Variants in VMP1 observed in about 807,000 individuals in gnomAD.
VMP1 encodes the protein ectopic P-granules autophagy protein 3 homolog.
In VMP1, 11 loss-of-function variants were observed where a neutral mutation model predicts 56.0. The observed-to-expected ratio is 0.20, with a 90% CI of 0.12 to 0.32. The LOEUF is 0.32. VMP1 is among the 10% of genes least tolerant of loss of function. VMP1 has a pLI of 1.00. For missense variants in VMP1, 296 were observed against 490.3 expected, an observed-to-expected ratio of 0.60 and a Z score of 3.74; for synonymous variants, 149 against 165.0, an observed-to-expected ratio of 0.90 and a Z score of 0.74.
intron 5 of VMP1, among the ~76,000 whole-genome samples, chr17:59,747,231 T>C (rs778808267): frequency 2.6e-5 from 4 of 152,146 alleles, no homozygotes; most frequent in Non-Finnish European, 4.4e-5. Context: ...CATTTCTTAA[T>C]AGTTTCTCGC....
At chr17:59,773,373 G>A (rs1348087779) in intron 6 of VMP1, among the ~76,000 whole-genome samples, 3 of 151,452 alleles carry the variant, frequency 2.0e-5, no homozygotes, top group African/African-American at 7.3e-5. Flanking sequence ...TTTACTTAGT[G>A]TCTACAATGA....
chr17:59,725,036 A>T (rs1362266211), intron 1 of VMP1, among the ~76,000 whole-genome samples: 8 of 151,920 alleles, frequency 5.3e-5, no homozygotes, highest in Non-Finnish European at 1.0e-4. Context: ...GGGTGCCTGT[A>T]GTCCCAGCTA....
intron 5 of VMP1, among the ~76,000 whole-genome samples, chr17:59,757,960 C>G (rs1301552796): frequency 2.1e-5 from 3 of 140,670 alleles, no homozygotes; most frequent in African/African-American, 7.8e-5. Context: ...TCAAGCAATC[C>G]TTCCACTTCA....
intron 7 of VMP1, among the ~76,000 whole-genome samples, chr17:59,807,260 C>T (rs1222346819): frequency 3.4e-5 from 5 of 147,376 alleles, no homozygotes; most frequent in East Asian, 2.0e-4. Flanking sequence ...TGCAGTGGTG[C>T]GATTTCAGCT....
chr17:59,759,105 A>C (rs2035950594), intron 5 of VMP1, among the ~76,000 whole-genome samples: 1 of 152,098 alleles, frequency 6.6e-6, no homozygotes, highest in African/African-American at 2.4e-5. Context: ...ACAACAACAA[A>C]ATTAGTTGGT....
At chr17:59,747,749 G>C (rs2035480922) in intron 5 of VMP1, among the ~76,000 whole-genome samples, 1 of 151,614 alleles carries the variant, frequency 6.6e-6, no homozygotes, top group Non-Finnish European at 1.5e-5. Context: ...ATTTTAATTA[G>C]CTGGGTGTGG....
intron 10 of VMP1, among the ~76,000 whole-genome samples, chr17:59,836,404 C>T (rs992302899): frequency 6.6e-6 from 1 of 151,552 alleles, no homozygotes; most frequent in Non-Finnish European, 1.5e-5. Context: ...CACCATGTTT[C>T]CCAGGATGGT....
intron 10 of VMP1, among the ~76,000 whole-genome samples, chr17:59,820,435 A>G (rs970931776): frequency 1.3e-5 from 2 of 152,184 alleles, no homozygotes; most frequent in African/African-American, 4.8e-5. Context: ...AATCATGACA[A>G]TCACAAATGT....
chr17:59,771,147 T>C lies in VMP1; in HGVS notation c.583-2607T>C, dbSNP rs193239134. 4.6e-4 allele frequency among the ~76,000 whole-genome samples: 69 copies of C among 149,744 alleles called. 1 individual carries two copies. Among genetic ancestry groups the C allele is most frequent in the Admixed American group, 4.6e-3 (69 of 14,988 alleles). On this transcript the variant is annotated intron_variant, in intron 6 of 11. Transcript: ENST00000262291. ...TTTATTAGAGGTTATAAAATATTAG[T>C]ATCCCAGTTACATTACACCTTTTTT...
At chr17:59,793,583 C>T (rs1356382720) in intron 7 of VMP1, among the ~76,000 whole-genome samples, 1 of 115,902 alleles carries the variant, frequency 8.6e-6, no homozygotes, top group East Asian at 2.4e-4. Flanking sequence ...TAAGAATTAC[C>T]ATGTTTGTGC....
intron 10 of VMP1, among the ~76,000 whole-genome samples, chr17:59,820,718 AT>A (rs1330289382): frequency 1.3e-5 from 2 of 152,134 alleles, no homozygotes; most frequent in Non-Finnish European, 2.9e-5. Context: ...GATTGTGTCT[AT>A]TTTTGTTTAC....
At chr17:59,729,250 C>T (rs1042159226) in intron 1 of VMP1, among the ~76,000 whole-genome samples, 3 of 151,976 alleles carry the variant, frequency 2.0e-5, no homozygotes, top group Non-Finnish European at 2.9e-5. Flanking sequence ...TTTGTGAGGC[C>T]GAGGCAGGCA....
intron 5 of VMP1, among the ~76,000 whole-genome samples, chr17:59,761,290 T>G (rs2036044697): frequency 6.6e-6 from 1 of 152,266 alleles, no homozygotes; most frequent in Non-Finnish European, 1.5e-5. Flanking sequence ...AATCTGGGTC[T>G]GTTTCTATTG....
At chr17:59,815,592 G>A (rs1307580866) in intron 9 of VMP1, among the ~76,000 whole-genome samples, 3 of 152,096 alleles carry the variant, frequency 2.0e-5, no homozygotes, top group Non-Finnish European at 2.9e-5. Flanking sequence ...GGTGGCTCAC[G>A]CCTGTAATCC....
At chr17:59,737,628 T>C in intron 4 of VMP1, 85 bp downstream of exon 4, 1 of 1,231,200 alleles carries the variant, frequency 8.1e-7, no homozygotes, top group South Asian at 1.5e-5. Flanking sequence ...ATGTGGGTTT[T>C]ATAGAATTTC....
chr17:59,808,692 A>C, intron 7 of VMP1, 104 bp from the exon 8 acceptor site: 1 of 847,780 alleles, frequency 1.2e-6, no homozygotes, highest in Non-Finnish European at 1.8e-6. Context: ...TCATCTTATT[A>C]ATCAGTGTCA....
chr17:59,715,396 A>G (rs962725289), intron 1 of VMP1, among the ~76,000 whole-genome samples: 3 of 152,202 alleles, frequency 2.0e-5, no homozygotes, highest in African/African-American at 7.2e-5. Context: ...ACAAGGCAGC[A>G]GAAGAGAAAA....
At chr17:59,714,923 C>T (rs1165975391) in intron 1 of VMP1, among the ~76,000 whole-genome samples, 1 of 152,162 alleles carries the variant, frequency 6.6e-6, no homozygotes, top group Non-Finnish European at 1.5e-5. Flanking sequence ...CTCAAGTGAT[C>T]CTCTCACCTT....
At position 59,726,264 on chromosome 17, in the gene VMP1, T is replaced by C. The variant is rs373405375; in HGVS notation, c.-26-5157T>C. Among the ~76,000 whole-genome samples, 82 of 151,782 alleles carry C rather than the reference T, an allele frequency of 5.4e-4. No homozygotes were observed. In the East Asian group the frequency reaches 0.012, roughly 21 times the overall value. On this transcript the variant is annotated intron_variant, in intron 1 of 11. Transcript: ENST00000262291. ...AAAGATATTGCCTATAGGATTTGGC[T>C]GAATATGAACACACATAGTTTTTTT... is the stretch of plus-strand genomic sequence containing the variant.
Sources: allele counts gnomAD v4.1 joint callset (sites outside exome capture counted in the v4.1 genomes callset), GRCh38; gene constraint gnomAD v4.1.1; transcripts MANE v1.5; gene names NCBI Gene and HGNC (gene_info 2026-07-23, HGNC 2026-07-21).